IL1RAPL2: variants seen among roughly 807,000 people sequenced by gnomAD.
IL1RAPL2 encodes the protein interleukin 1 receptor accessory protein like 2, also known as X-linked interleukin-1 receptor accessory protein-like 2.
IL1RAPL2 carries 3 observed loss-of-function variants against 44.1 expected under a neutral mutation model. That is an observed-to-expected ratio of 0.07 (90% CI 0.03 to 0.18). The LOEUF (loss-of-function observed/expected upper bound fraction) is 0.18. IL1RAPL2 is among the 10% of genes least tolerant of loss of function. The pLI, the probability that IL1RAPL2 is intolerant of heterozygous loss-of-function variation, is 1.00. For missense variants in IL1RAPL2, 391 were observed against 496.4 expected (o/e 0.79, Z 2.02); for synonymous variants, 181 against 178.8 (o/e 1.01, Z -0.10).
At chrX:105,445,257 T>C (rs2035946756) in intron 5 of IL1RAPL2, among the ~76,000 whole-genome samples, 1 of 111,950 alleles carries the variant, frequency 8.9e-6, no homozygotes, top group Admixed American at 9.5e-5. Flanking sequence ...ATCTGTTATT[T>C]ATTTGGGTCT....
At chrX:105,590,660 T>C (rs1298190388) in intron 6 of IL1RAPL2, among the ~76,000 whole-genome samples, 1 of 111,675 alleles carries the variant, frequency 9.0e-6, no homozygotes, top group Non-Finnish European at 1.9e-5. Context: ...TGAATCACCT[T>C]TATTGATTGT....
intron 6 of IL1RAPL2, among the ~76,000 whole-genome samples, chrX:105,486,744 A>G (rs1345515374): frequency 9.1e-6 from 1 of 109,380 alleles, no homozygotes; most frequent in Non-Finnish European, 1.9e-5. Context: ...ATATCTATCT[A>G]TCTATCTATC....
intron 6 of IL1RAPL2, among the ~76,000 whole-genome samples, chrX:105,581,251 G>A (rs1159819481): frequency 9.0e-6 from 1 of 111,721 alleles, no homozygotes; most frequent in East Asian, 2.8e-4. Context: ...TGATAGTTAT[G>A]TATATGCTAA....
At chrX:105,204,865 A>G (rs2033748095) in intron 3 of IL1RAPL2, among the ~76,000 whole-genome samples, 1 of 112,067 alleles carries the variant, frequency 8.9e-6, no homozygotes, top group Admixed American at 9.5e-5. Flanking sequence ...GTGATGGTAT[A>G]TTATGGCTGT....
At chrX:105,108,279 C>T (rs779411146) in intron 2 of IL1RAPL2, among the ~76,000 whole-genome samples, 1 of 111,589 alleles carries the variant, frequency 9.0e-6, no homozygotes, top group Non-Finnish European at 1.9e-5. Flanking sequence ...TGACTATACT[C>T]CTCTTCATTC....
intron 5 of IL1RAPL2, among the ~76,000 whole-genome samples, chrX:105,402,544 A>G: frequency 9.0e-6 from 1 of 111,177 alleles, no homozygotes; most frequent in East Asian, 2.8e-4. Flanking sequence ...ATATGATGAA[A>G]ATAGGATGAA....
intron 2 of IL1RAPL2, among the ~76,000 whole-genome samples, chrX:104,948,498 T>G (rs1411567542): frequency 1.0e-5 from 1 of 98,841 alleles, no homozygotes; most frequent in Admixed American, 1.2e-4. Context: ...CTTGTGCCAG[T>G]TTTCAAAGGG....
At chrX:104,997,434 C>T (rs1569358063) in intron 2 of IL1RAPL2, among the ~76,000 whole-genome samples, 1 of 111,550 alleles carries the variant, frequency 9.0e-6, no homozygotes, top group Non-Finnish European at 1.9e-5. Flanking sequence ...TTTTACATTA[C>T]ATTTCTGTTG....
chrX:105,152,206 C>T (rs776582723), intron 2 of IL1RAPL2, among the ~76,000 whole-genome samples: 16 of 111,340 alleles, frequency 1.4e-4, no homozygotes, highest in Admixed American at 5.7e-4. Context: ...TATGATTACA[C>T]GAAAAAGTCT....
chrX:104,925,867 G>A lies in IL1RAPL2; in HGVS notation c.82+266872G>A, dbSNP rs1487252808. Among the ~76,000 whole-genome samples the A allele has an allele frequency of 4.5e-5, 5 of 111,679 alleles. No individual in the cohort carries two copies. In the East Asian group the frequency reaches 1.4e-3, roughly 31 times the overall value. ...GGCCAGAGAAATCAGGCAGCAGAAA[G>A]AAATAAAGAGCATGCAAATAGGAAG... is the stretch of plus-strand genomic sequence containing the variant. On this transcript the variant is annotated intron_variant, in intron 2 of 10. Coordinates refer to ENST00000372582, the MANE Select transcript of IL1RAPL2 (RefSeq NM_017416.2).
At chrX:104,855,681 G>GTTTTTTTTTT (rs1556002120) in intron 2 of IL1RAPL2, among the ~76,000 whole-genome samples, 2 of 53,878 alleles carry the variant, frequency 3.7e-5, no homozygotes, top group African/African-American at 1.2e-4. Flanking sequence ...ATCTGGATCC[G>GTTTTTTTTTT]TTTTTTTTTT....
intron 5 of IL1RAPL2, among the ~76,000 whole-genome samples, chrX:105,412,246 A>G (rs771518809): frequency 9.2e-6 from 1 of 108,900 alleles, no homozygotes; most frequent in Non-Finnish European, 1.9e-5. Context: ...ACTATTTACA[A>G]TAGCCAAGAT....
chrX:105,552,061 G>A (rs192298820), intron 6 of IL1RAPL2, among the ~76,000 whole-genome samples: 1,368 of 105,978 alleles, frequency 0.013, 17 homozygotes, highest in Non-Finnish European at 0.021. Flanking sequence ...AGCCGAGATC[G>A]CGCCACTGCA....
At chrX:104,715,410 A>G (rs868290946) in intron 2 of IL1RAPL2, among the ~76,000 whole-genome samples, 1 of 29,657 alleles carries the variant, frequency 3.4e-5, no homozygotes, top group Non-Finnish European at 6.9e-5. Flanking sequence ...TTTATTTTCT[A>G]TTTTTTCAAA....
chrX:104,816,389 A>G (rs1305960583), intron 2 of IL1RAPL2, among the ~76,000 whole-genome samples: 2 of 112,092 alleles, frequency 1.8e-5, no homozygotes, highest in African/African-American at 3.2e-5. Flanking sequence ...TAGTGAGTCA[A>G]TACTCCAATA....
intron 2 of IL1RAPL2, among the ~76,000 whole-genome samples, chrX:104,769,479 A>G (rs904099121): frequency 2.7e-5 from 3 of 112,497 alleles, no homozygotes; most frequent in African/African-American, 9.7e-5. Context: ...AAGATCATAC[A>G]CATTTAATGA....
intron 6 of IL1RAPL2, among the ~76,000 whole-genome samples, chrX:105,652,789 A>T (rs1414346439): frequency 9.0e-6 from 1 of 111,485 alleles, no homozygotes; most frequent in Non-Finnish European, 1.9e-5. Flanking sequence ...TAAGACTTGA[A>T]GGGAAGAACT....
At chrX:104,575,688 C>T (rs1928231748) in intron 1 of IL1RAPL2, among the ~76,000 whole-genome samples, 1 of 111,978 alleles carries the variant, frequency 8.9e-6, no homozygotes, top group Admixed American at 9.5e-5. Context: ...ACTATCTATA[C>T]AGGGAATGGT....
intron 2 of IL1RAPL2, among the ~76,000 whole-genome samples, chrX:104,666,438 C>T (rs977819034): frequency 9.9e-5 from 11 of 111,648 alleles, no homozygotes; most frequent in African/African-American, 3.6e-4. Context: ...ATACAGAAGT[C>T]ACCGAGCTTG....
Sources: allele counts gnomAD v4.1 joint callset (sites outside exome capture counted in the v4.1 genomes callset), GRCh38; gene constraint gnomAD v4.1.1; transcripts MANE v1.5; gene names NCBI Gene and HGNC (gene_info 2026-07-23, HGNC 2026-07-21).